The following TRPS1 variants were observed in gnomAD, a reference collection of about 807,000 sequenced individuals.
TRPS1 encodes zinc finger transcription factor Trps1.
In TRPS1, 6 loss-of-function variants were observed where a neutral mutation model predicts 101.2. That is an observed-to-expected ratio of 0.06 (90% CI 0.03 to 0.12). The LOEUF is 0.12. TRPS1 is among the 10% of genes least tolerant of loss of function. The pLI is 1.00. For missense variants in TRPS1, 1,363 were observed against 1,567.0 expected (o/e 0.87, Z 2.20); for synonymous variants, 578 against 589.8 (o/e 0.98, Z 0.29).
chr8:115,662,153 G>A (rs577578727), intron 1 of TRPS1, among the ~76,000 whole-genome samples: 9 of 151,840 alleles, frequency 5.9e-5, no homozygotes, highest in South Asian at 4.1e-4. Context: ...TGTAACTCTC[G>A]CAAGAAAAAC....
At chr8:115,481,140 C>T (rs1036657396) in intron 5 of TRPS1, among the ~76,000 whole-genome samples, 1 of 152,012 alleles carries the variant, frequency 6.6e-6, no homozygotes, top group South Asian at 2.1e-4. Flanking sequence ...AAAAATGTAA[C>T]GGTTTGGCAA....
chr8:115,514,553 C>T (rs1482985892), intron 5 of TRPS1, among the ~76,000 whole-genome samples: 1 of 151,436 alleles, frequency 6.6e-6, no homozygotes, highest in Non-Finnish European at 1.5e-5. Flanking sequence ...GATGTTAGCA[C>T]ACTTAGTAGT....
rs1255362944 is a variant in TRPS1, at chr8:115,620,060, T to C, written c.38A>G (p.Asn13Ser). Residue 13 changes from asparagine to serine, a missense_variant and splice_region_variant, in exon 3 of 7, where the codon AAT becomes AGT. This residue lies in a region of TRPS1 where 1,020 missense variants were observed against 1,073.0 expected (regional missense o/e 0.95). Transcript: ENST00000395715. ...AGGGGGGTTCTTTTTCCGGACCATA[T>C]CTGCAAAGATAAAGGGAAAAGGCAG... ...YEVNAGYDFT[N>S]MVRKKNPPLR... 1.9e-6 allele frequency: 3 copies of C among 1,613,896 alleles called. No individual in the cohort carries two copies. Among genetic ancestry groups the C allele is most frequent in the African/African-American group, 2.7e-5 (2 of 74,880 alleles).
chr8:115,622,488 T>C (rs1431475611), intron 2 of TRPS1, among the ~76,000 whole-genome samples: 1 of 152,136 alleles, frequency 6.6e-6, no homozygotes, highest in Non-Finnish European at 1.5e-5. Flanking sequence ...ATATTTTAGG[T>C]TGTAATCAAA....
chr8:115,554,103 C>T (rs768688532), intron 5 of TRPS1, among the ~76,000 whole-genome samples: 5 of 152,028 alleles, frequency 3.3e-5, no homozygotes, highest in African/African-American at 4.8e-5. Flanking sequence ...TATTAATAAA[C>T]ATTTCTACAA....
intron 1 of TRPS1, among the ~76,000 whole-genome samples, chr8:115,636,729 C>T (rs1268754600): frequency 6.6e-6 from 1 of 151,934 alleles, no homozygotes; most frequent in Non-Finnish European, 1.5e-5. Context: ...GCCTGGCCAA[C>T]ATGGTGAAAC....
rs369415226 is a variant in TRPS1 at position 115,531,208 on chromosome 8, G to A, written c.2700+55793C>T. Reference sequence around the variant, plus strand: ...GCAAAAACGAATGATATAGGTGCCTGAGAAATTTTGAGAAGGAAACATCAG... The same window carrying A: ...GCAAAAACGAATGATATAGGTGCCTAAGAAATTTTGAGAAGGAAACATCAG... On this transcript the variant is annotated intron_variant, in intron 5 of 6. Transcript: ENST00000395715. Among the ~76,000 whole-genome samples, 5 of 152,310 alleles carry A rather than the reference G, an allele frequency of 3.3e-5. No individual in the cohort carries two copies. The East Asian group carries it at 7.7e-4, about 23-fold the overall frequency.
chr8:115,467,403 C>A (rs1369224306), intron 5 of TRPS1, among the ~76,000 whole-genome samples: 4 of 150,028 alleles, frequency 2.7e-5, no homozygotes, highest in South Asian at 2.1e-4. Context: ...GGAGGATGCT[C>A]TTTAAAGGAA....
At chr8:115,498,415 C>CTCTCTCTCTCTCTATATATA (rs1486361297) in intron 5 of TRPS1, among the ~76,000 whole-genome samples, 1 of 39,298 alleles carries the variant, frequency 2.5e-5, no homozygotes, top group African/African-American at 1.1e-4. Flanking sequence ...CTCTCTCTCT[C>CTCTCTCTCTCTCTATATATA]TATATATATA....
chr8:115,473,074 CTTCCACAT>C (rs1814512263), intron 5 of TRPS1, among the ~76,000 whole-genome samples: 1 of 152,168 alleles, frequency 6.6e-6, no homozygotes, highest in Non-Finnish European at 1.5e-5. Context: ...TCCAAAGTTT[CTTCCACAT>C]TTTTCAGTGT....
At chr8:115,421,201 T>C (rs768988100) in intron 5 of TRPS1, among the ~76,000 whole-genome samples, 2 of 152,028 alleles carry the variant, frequency 1.3e-5, no homozygotes, top group South Asian at 2.1e-4. Context: ...GTCAGGCTGG[T>C]CTCAAACTCC....
chr8:115,429,221 G>A (rs1223500479), intron 5 of TRPS1, among the ~76,000 whole-genome samples: 2 of 152,076 alleles, frequency 1.3e-5, no homozygotes, highest in Non-Finnish European at 2.9e-5. Context: ...TCACGTACAC[G>A]ACTTCCTTTT....
chr8:115,548,511 C>G (rs1184200295), intron 5 of TRPS1, among the ~76,000 whole-genome samples: 2 of 151,850 alleles, frequency 1.3e-5, no homozygotes, highest in East Asian at 3.9e-4. Context: ...CCCTGCTGAT[C>G]GCGAACTCCT....
intron 5 of TRPS1, among the ~76,000 whole-genome samples, chr8:115,549,916 AAAC>A (rs1461430515): frequency 6.6e-6 from 1 of 152,122 alleles, no homozygotes; most frequent in East Asian, 1.9e-4. Flanking sequence ...AAAACAAACA[AAAC>A]AAAAATGATT....
At chr8:115,504,463 A>G (rs945245818) in intron 5 of TRPS1, among the ~76,000 whole-genome samples, 3 of 152,228 alleles carry the variant, frequency 2.0e-5, no homozygotes, top group Non-Finnish European at 2.9e-5. Flanking sequence ...CTCCTCTGCA[A>G]TTAAAACTTG....
At chr8:115,499,955 CTTTCTTTCTTTTCTTTTCT>C (rs1418141564) in intron 5 of TRPS1, among the ~76,000 whole-genome samples, 17 of 69,740 alleles carry the variant, frequency 2.4e-4, no homozygotes, top group Admixed American at 7.6e-4. Flanking sequence ...TTCTTTCTTT[CTTTCTTTCTTTTCTTTTCT>C]TTTCTTTTCT....
chr8:115,562,853 C>T (rs372467945), intron 5 of TRPS1, among the ~76,000 whole-genome samples: 33 of 149,322 alleles, frequency 2.2e-4, no homozygotes, highest in African/African-American at 7.2e-4. Flanking sequence ...AGAACGCATG[C>T]CTACTCCCCC....
chr8:115,559,295 A>G (rs548995758), intron 5 of TRPS1, among the ~76,000 whole-genome samples: 2 of 152,158 alleles, frequency 1.3e-5, no homozygotes, highest in East Asian at 1.9e-4. Flanking sequence ...AAGTGAGAGT[A>G]CATTATTCAC....
At chr8:115,591,890 C>T (rs1031357344) in intron 4 of TRPS1, among the ~76,000 whole-genome samples, 13 of 152,272 alleles carry the variant, frequency 8.5e-5, no homozygotes, top group South Asian at 4.1e-4. Context: ...CTGAAGTATA[C>T]GGCCCATTTC....
Sources: allele counts gnomAD v4.1 joint callset (sites outside exome capture counted in the v4.1 genomes callset), GRCh38; gene constraint gnomAD v4.1.1; regional missense constraint gnomAD v4.1.1; transcripts MANE v1.5; gene names NCBI Gene and HGNC (gene_info 2026-07-23, HGNC 2026-07-21).